Variants in NLK observed in about 807,000 individuals in gnomAD.
NLK encodes nemo like kinase, also known as serine/threonine-protein kinase NLK.
Under a neutral mutation model 59.0 loss-of-function variants are expected in NLK, and 11 were observed. The observed-to-expected ratio is 0.19, with a 90% CI of 0.12 to 0.31. The LOEUF (loss-of-function observed/expected upper bound fraction) is 0.31, where lower values mean the gene tolerates loss of function less well. Ranked by LOEUF, NLK falls within the 10% of genes least tolerant of loss-of-function variation. NLK has a pLI of 1.00. For missense variants in NLK, 410 were observed against 661.1 expected, an observed-to-expected ratio of 0.62 and a Z score of 4.16; for synonymous variants, 235 against 235.9, an observed-to-expected ratio of 1.00 and a Z score of 0.03.
intron 5 of NLK, 113 bp from the exon 6 acceptor site, chr17:28,168,335 C>CAA (rs371518289): frequency 1.5e-3 from 894 of 594,446 alleles, no homozygotes; most frequent in East Asian, 1.8e-3. Context: ...GACTCCATCT[C>CAA]AAAAAAAAAA....
At chr17:28,145,655 A>G (rs1028060760) in intron 3 of NLK, among the ~76,000 whole-genome samples, 4 of 152,100 alleles carry the variant, frequency 2.6e-5, no homozygotes, top group Admixed American at 6.6e-5. Flanking sequence ...TTCATTGATG[A>G]TATCCTTTTG....
At chr17:28,170,339 T>TAAA (rs1567735470) in intron 6 of NLK, among the ~76,000 whole-genome samples, 1 of 152,258 alleles carries the variant, frequency 6.6e-6, no homozygotes, top group African/African-American at 2.4e-5. Flanking sequence ...AAGATCACAC[T>TAAA]GACTACTGTG....
chr17:28,145,575 A>G (rs1907210570), intron 3 of NLK, among the ~76,000 whole-genome samples: 1 of 152,246 alleles, frequency 6.6e-6, no homozygotes, highest in Non-Finnish European at 1.5e-5. Context: ...TGTCACGGAC[A>G]TGTTTCTTTG....
chr17:28,085,402 C>G (rs1427155578), intron 1 of NLK, among the ~76,000 whole-genome samples: 1 of 152,148 alleles, frequency 6.6e-6, no homozygotes, highest in Non-Finnish European at 1.5e-5. Flanking sequence ...AATGATGTTT[C>G]AGTCAATGAC....
intron 1 of NLK, among the ~76,000 whole-genome samples, chr17:28,074,977 C>A (rs923921945): frequency 1.3e-5 from 2 of 152,206 alleles, no homozygotes; most frequent in East Asian, 3.8e-4. Context: ...ATGCACTTTT[C>A]ATTTTAACAT....
chr17:28,140,788 C>T (rs182542801), intron 3 of NLK, among the ~76,000 whole-genome samples: 6 of 151,838 alleles, frequency 4.0e-5, no homozygotes, highest in East Asian at 3.9e-4. Context: ...CTTCTCTACT[C>T]CCCTACCCCA....
chr17:28,047,638 T>C (rs560909122), intron 1 of NLK, among the ~76,000 whole-genome samples: 1 of 152,288 alleles, frequency 6.6e-6, no homozygotes, highest in South Asian at 2.1e-4. Context: ...TGTGAATTGC[T>C]AAAGATCCCA....
intron 3 of NLK, among the ~76,000 whole-genome samples, chr17:28,152,428 C>T (rs766114358): frequency 9.2e-5 from 14 of 152,212 alleles, no homozygotes; most frequent in Non-Finnish European, 1.8e-4. Context: ...CCGCTGCTTA[C>T]GAGCTACCAA....
At chr17:28,055,914 G>A (rs554775982) in intron 1 of NLK, among the ~76,000 whole-genome samples, 4 of 152,236 alleles carry the variant, frequency 2.6e-5, no homozygotes, top group East Asian at 3.9e-4. Context: ...CTTTCCAAAT[G>A]TAAAATTTTC....
chr17:28,107,849 T>C (rs1299059704), intron 1 of NLK, among the ~76,000 whole-genome samples: 1 of 152,192 alleles, frequency 6.6e-6, no homozygotes, highest in African/African-American at 2.4e-5. Flanking sequence ...CCTTGTGCTC[T>C]CAAGGGTTTA....
chr17:28,199,160 ATATATT>A (rs1170653722), downstream of NLK, among the ~76,000 whole-genome samples: 1 of 152,252 alleles, frequency 6.6e-6, no homozygotes, highest in Non-Finnish European at 1.5e-5. Context: ...TTTGGGGAAA[ATATATT>A]TAAAGCAAAA....
intron 6 of NLK, among the ~76,000 whole-genome samples, chr17:28,169,937 T>C (rs1308205876): frequency 1.3e-5 from 2 of 152,020 alleles, no homozygotes; most frequent in Admixed American, 6.5e-5. Flanking sequence ...AAAATAAATA[T>C]GCAAATAAAT....
chr17:28,155,106 A>G (rs1907647713), intron 3 of NLK, among the ~76,000 whole-genome samples: 1 of 152,216 alleles, frequency 6.6e-6, no homozygotes, highest in Non-Finnish European at 1.5e-5. Context: ...TAAATGAATT[A>G]TAATATAGCC....
chr17:28,121,673 A>G (rs187466664), intron 1 of NLK, among the ~76,000 whole-genome samples: 99 of 150,582 alleles, frequency 6.6e-4, no homozygotes, highest in Non-Finnish European at 1.1e-3. Context: ...TAAATTTTGT[A>G]TTTTTGGTAG....
chr17:28,156,968 T>C (rs962175232), intron 3 of NLK, among the ~76,000 whole-genome samples: 1 of 152,186 alleles, frequency 6.6e-6, no homozygotes, highest in African/African-American at 2.4e-5. Flanking sequence ...GTTGAAATTA[T>C]TCTATAAAGA....
chr17:28,101,328 G>A (rs1400674865), intron 1 of NLK, among the ~76,000 whole-genome samples: 1 of 152,130 alleles, frequency 6.6e-6, no homozygotes, highest in Non-Finnish European at 1.5e-5. Flanking sequence ...ATTTTGATTG[G>A]AATTGCATAG....
At chr17:28,067,182 A>T (rs1406654557) in intron 1 of NLK, among the ~76,000 whole-genome samples, 1 of 152,222 alleles carries the variant, frequency 6.6e-6, no homozygotes, top group African/African-American at 2.4e-5. Flanking sequence ...GACCCAGGTC[A>T]TGAAGAATTC....
In NLK at chr17:28,183,704, G is replaced by T. The variant is rs116911990; in HGVS notation, c.1150-1475G>T. Among the ~76,000 whole-genome samples, 568 of 152,094 alleles carry T rather than the reference G, an allele frequency of 3.7e-3. 1 individual carries two copies. The highest frequency in any genetic ancestry group is 6.5e-3 in the Non-Finnish European group (445 of 68,008). On this transcript the variant is annotated intron_variant, in intron 7 of 10. Transcript: ENST00000407008. Reference sequence around the variant, plus strand: ...TACCAAACTTTCTGACCACAGAAAGGTTATAAGTAGACGGCAGGTCTAAAA... The same window carrying T: ...TACCAAACTTTCTGACCACAGAAAGTTTATAAGTAGACGGCAGGTCTAAAA...
chr17:28,089,820 G>C (rs1904420543), intron 1 of NLK, among the ~76,000 whole-genome samples: 1 of 152,068 alleles, frequency 6.6e-6, no homozygotes, highest in Non-Finnish European at 1.5e-5. Context: ...CTAGTGATCT[G>C]CCATCCTTAT....
Sources: gnomAD v4.1 joint callset for allele counts (sites outside exome capture counted in the v4.1 genomes callset) on GRCh38, gnomAD v4.1.1 for gene constraint, MANE v1.5 for transcripts, NCBI Gene and HGNC (gene_info 2026-07-23, HGNC 2026-07-21) for gene names.